The following ATP9B variants were observed in gnomAD, a reference collection of about 807,000 sequenced individuals.
The protein encoded by ATP9B is ATPase phospholipid transporting 9B, also known as probable phospholipid-transporting ATPase IIB.
In ATP9B, 110 loss-of-function variants were observed where a neutral mutation model predicts 146.1. The observed-to-expected ratio is 0.75, with a 90% confidence interval of 0.65 to 0.88. The LOEUF (loss-of-function observed/expected upper bound fraction) is 0.88, where lower values mean the gene tolerates loss of function less well. Ranked by LOEUF, ATP9B falls within the 40% of genes least tolerant of loss-of-function variation. The pLI, the probability that ATP9B is intolerant of heterozygous loss-of-function variation, is 0.00. For missense variants in ATP9B, 1,499 were observed against 1,496.4 expected (o/e 1.00, Z -0.03); for synonymous variants, 604 against 569.7 (o/e 1.06, Z -0.86).
Position 79,356,712 on chromosome 18 carries a change from G to T in ATP9B, c.2904-2642G>T, listed in dbSNP as rs1003642104. Among the ~76,000 whole-genome samples, 4 of 152,262 alleles carry T rather than the reference G, an allele frequency of 2.6e-5. No individual in the cohort carries two copies. The East Asian group carries it at 5.8e-4, about 22-fold the overall frequency. ...AATGACCAGATTAGAGATGGGGAAC[G>T]GATTCATGGTGGCCAGGGATTAGGG... On this transcript the variant is annotated intron_variant, in intron 25 of 29. Coordinates refer to ENST00000426216, the MANE Select transcript of ATP9B (RefSeq NM_198531.5).
intron 2 of ATP9B, among the ~76,000 whole-genome samples, chr18:79,098,517 A>C (rs1343752993): frequency 6.6e-6 from 1 of 151,232 alleles, no homozygotes; most frequent in African/African-American, 2.4e-5. Flanking sequence ...ATCTACAATG[A>C]ACTCAAACAA....
chr18:79,375,685 G>GAGCC (rs2097098528), intron 29 of ATP9B: 2 of 985,302 alleles, frequency 2.0e-6, no homozygotes, highest in Non-Finnish European at 2.4e-6. Flanking sequence ...AGGATTGCAT[G>GAGCC]AGCCCCTAAA....
chr18:79,109,658 C>T (rs949296670), intron 2 of ATP9B, among the ~76,000 whole-genome samples: 2 of 151,524 alleles, frequency 1.3e-5, no homozygotes, highest in South Asian at 2.1e-4. Context: ...CTCTGCCTCC[C>T]GGGTTCAAGC....
chr18:79,263,587 C>T (rs147594033), intron 12 of ATP9B, among the ~76,000 whole-genome samples: 137 of 152,356 alleles, frequency 9.0e-4, no homozygotes, highest in African/African-American at 3.1e-3. Context: ...TTTTGTTTTA[C>T]ATGGCTGTGT....
intron 1 of ATP9B, among the ~76,000 whole-genome samples, chr18:79,070,723 C>T (rs2071632119): frequency 6.6e-6 from 1 of 151,976 alleles, no homozygotes; most frequent in African/African-American, 2.4e-5. Context: ...GATTTTTTGT[C>T]ATCTCGGTGG....
chr18:79,338,375 T>A (rs905273734), intron 19 of ATP9B, among the ~76,000 whole-genome samples: 2 of 152,150 alleles, frequency 1.3e-5, no homozygotes, highest in Non-Finnish European at 2.9e-5. Context: ...GGACACCCCC[T>A]CTACCTTGGC....
intron 12 of ATP9B, among the ~76,000 whole-genome samples, chr18:79,268,739 C>T (rs1043574241): frequency 1.3e-5 from 2 of 152,156 alleles, no homozygotes; most frequent in South Asian, 2.1e-4. Flanking sequence ...ATCCACGTTT[C>T]GGTTCGTAAT....
chr18:79,081,053 T>C (rs1033229422), intron 1 of ATP9B, among the ~76,000 whole-genome samples: 2 of 152,242 alleles, frequency 1.3e-5, no homozygotes, highest in Non-Finnish European at 2.9e-5. Context: ...ACATTGATGT[T>C]CATCAGGGAT....
At chr18:79,282,611 G>A (rs927890861) in intron 13 of ATP9B, among the ~76,000 whole-genome samples, 2 of 152,184 alleles carry the variant, frequency 1.3e-5, no homozygotes, top group South Asian at 4.1e-4. Flanking sequence ...AATTGCACAT[G>A]TAATAGACTT....
chr18:79,227,875 T>C (rs1253769465), intron 11 of ATP9B, among the ~76,000 whole-genome samples: 3 of 152,348 alleles, frequency 2.0e-5, no homozygotes, highest in South Asian at 2.1e-4. Context: ...GTGTGTGCAC[T>C]GTGTTGAGAA....
At chr18:79,299,122 A>G (rs1226936070) in intron 13 of ATP9B, among the ~76,000 whole-genome samples, 1 of 149,134 alleles carries the variant, frequency 6.7e-6, no homozygotes, top group African/African-American at 2.5e-5. Context: ...TTTCCCCCAC[A>G]TTTGACCCCC....
At chr18:79,369,029 C>T (rs188249565) in intron 26 of ATP9B, among the ~76,000 whole-genome samples, 3 of 152,246 alleles carry the variant, frequency 2.0e-5, no homozygotes, top group Admixed American at 1.3e-4. Flanking sequence ...GCTTTGACTG[C>T]ACTTTTTCTC....
chr18:79,296,997 C>CAGACGACCCAGAGAGAAGACAG (rs1458867623), intron 13 of ATP9B, among the ~76,000 whole-genome samples: 1 of 134,074 alleles, frequency 7.5e-6, no homozygotes, highest in Non-Finnish European at 1.6e-5. Flanking sequence ...AGAGAAGACA[C>CAGACGACCCAGAGAGAAGACAG]AGACGACCCA....
chr18:79,111,539 GATAA>G (rs2146992463), intron 3 of ATP9B, among the ~76,000 whole-genome samples: 1 of 152,300 alleles, frequency 6.6e-6, no homozygotes, highest in African/African-American at 2.4e-5. Flanking sequence ...CTTACAGGCA[GATAA>G]ATATTCGCAT....
At chr18:79,375,288 T>G in intron 28 of ATP9B, 106 bp from the exon 29 acceptor site, 7 of 1,048,852 alleles carry the variant, frequency 6.7e-6, no homozygotes, top group Non-Finnish European at 8.6e-6. Flanking sequence ...TGCACTGCCA[T>G]TTTATTGCTT....
At chr18:79,073,987 T>G (rs2146402623) in intron 1 of ATP9B, among the ~76,000 whole-genome samples, 1 of 152,344 alleles carries the variant, frequency 6.6e-6, no homozygotes, top group Non-Finnish European at 1.5e-5. Context: ...GGGTATTTTG[T>G]ATATTAGGAG....
chr18:79,377,193 G>A, intron 29 of ATP9B, 54 bp from the exon 30 acceptor site: 2 of 1,601,630 alleles, frequency 1.2e-6, no homozygotes, highest in South Asian at 1.1e-5. Context: ...GTGGCCATGA[G>A]GGCCCAGGAC....
chr18:79,377,417 AC>A lies in ATP9B; in HGVS notation c.*36del. The A allele has an allele frequency of 6.3e-7, 1 of 1,599,934 alleles. No homozygotes were observed. ...GCACCCCCAGCGGGCTGGCCCCAGC[AC>A]CTTCTGCCCTTCCCAGCACCTTGTG... On this transcript the variant is annotated 3_prime_UTR_variant, in exon 30 of 30. Transcript: ENST00000426216.
chr18:79,175,810 A>G (rs971889348), intron 7 of ATP9B, among the ~76,000 whole-genome samples: 3 of 152,094 alleles, frequency 2.0e-5, no homozygotes, highest in East Asian at 3.8e-4. Context: ...AGCACACACA[A>G]GTTAGCCATG....
Sources: gnomAD v4.1 joint callset for allele counts (sites outside exome capture counted in the v4.1 genomes callset) on GRCh38, gnomAD v4.1.1 for gene constraint, MANE v1.5 for transcripts, NCBI Gene and HGNC (gene_info 2026-07-23, HGNC 2026-07-21) for gene names.